Variants in NRXN3 observed in about 807,000 individuals in gnomAD.
NRXN3 encodes the protein neurexin 3, also known as neurexin III.
A neutral mutation model predicts 137.6 loss-of-function variants in NRXN3; 32 were observed. That is an observed-to-expected ratio of 0.23 (90% CI 0.18 to 0.31). The LOEUF is 0.31. NRXN3 is among the 10% of genes least tolerant of loss of function. NRXN3 has a pLI of 1.00. For synonymous variants in NRXN3, 798 were observed against 784.5 expected, an observed-to-expected ratio of 1.02 and a Z score of -0.29; for missense variants, 1,574 against 2,062.5, an observed-to-expected ratio of 0.76 and a Z score of 4.59.
chr14:78,960,609 A>G (rs1178911872), intron 11 of NRXN3, among the ~76,000 whole-genome samples: 1 of 152,226 alleles, frequency 6.6e-6, no homozygotes, highest in Non-Finnish European at 1.5e-5. Context: ...TGATTGATCT[A>G]TGTTTCTATT....
chr14:79,217,957 T>A (rs2068834553), intron 15 of NRXN3, among the ~76,000 whole-genome samples: 1 of 152,226 alleles, frequency 6.6e-6, no homozygotes, highest in South Asian at 2.1e-4. Flanking sequence ...TGCCTCTTCA[T>A]TCTTCAACAG....
chr14:78,741,859 A>G (rs529175078), intron 8 of NRXN3, among the ~76,000 whole-genome samples: 93 of 152,210 alleles, frequency 6.1e-4, no homozygotes, highest in African/African-American at 1.9e-3. Flanking sequence ...TGCGGTGCCT[A>G]CAGAAGTTAT....
chr14:79,782,382 G>A (rs2099116463), intron 19 of NRXN3, among the ~76,000 whole-genome samples: 1 of 152,154 alleles, frequency 6.6e-6, no homozygotes, highest in South Asian at 2.1e-4. Flanking sequence ...ACAACTAAGA[G>A]TCTGACCTTG....
intron 15 of NRXN3, among the ~76,000 whole-genome samples, chr14:79,004,870 C>CTT (rs1188274742): frequency 6.6e-6 from 1 of 152,122 alleles, no homozygotes; most frequent in Non-Finnish European, 1.5e-5. Context: ...TATGCTGTCG[C>CTT]CCCGTCCTCA....
intron 4 of NRXN3, among the ~76,000 whole-genome samples, chr14:78,402,040 A>C (rs184344488): frequency 6.6e-6 from 1 of 152,340 alleles, no homozygotes; most frequent in East Asian, 1.9e-4. Flanking sequence ...TGAATCACTG[A>C]ATGGATGATT....
intron 4 of NRXN3, among the ~76,000 whole-genome samples, chr14:78,405,040 A>G (rs1016399528): frequency 2.0e-5 from 3 of 152,228 alleles, no homozygotes; most frequent in African/African-American, 7.2e-5. Flanking sequence ...CAAAATATAT[A>G]GGCTTCATCC....
chr14:79,408,018 A>T (rs1201020714), intron 15 of NRXN3, among the ~76,000 whole-genome samples: 1 of 152,108 alleles, frequency 6.6e-6, no homozygotes, highest in African/African-American at 2.4e-5. Context: ...ATAATTCGGG[A>T]TTTGCAGCTA....
chr14:78,787,555 T>A (rs2098792771), intron 8 of NRXN3, among the ~76,000 whole-genome samples: 2 of 152,212 alleles, frequency 1.3e-5, no homozygotes, highest in South Asian at 4.1e-4. Context: ...TCCTTCTTGA[T>A]GGTTCAGAGC....
chr14:78,763,408 T>A (rs549131876), intron 8 of NRXN3, among the ~76,000 whole-genome samples: 3 of 152,256 alleles, frequency 2.0e-5, no homozygotes, highest in African/African-American at 7.2e-5. Context: ...TGTAAGCATT[T>A]GAGATAATAG....
intron 4 of NRXN3, among the ~76,000 whole-genome samples, chr14:78,566,178 A>G (rs769104402): frequency 2.4e-4 from 37 of 151,472 alleles, no homozygotes; most frequent in Non-Finnish European, 4.7e-4. Flanking sequence ...CAAAAAAAAG[A>G]CTCTCTAAAA....
chr14:79,571,688 T>C (rs575770739), intron 16 of NRXN3, among the ~76,000 whole-genome samples: 1 of 152,248 alleles, frequency 6.6e-6, no homozygotes, highest in African/African-American at 2.4e-5. Flanking sequence ...TGAAGCTAGT[T>C]TGGTAACAAA....
rs370519521 is a variant in NRXN3 at position 78,962,380 on chromosome 14, CTTG to C, written c.2396-3642_2396-3640del. On this transcript the variant is annotated intron_variant, in intron 11 of 20. Coordinates refer to ENST00000335750, the MANE Select transcript of NRXN3 (RefSeq NM_001330195.2). Reference sequence around the variant, plus strand: ...GAATTTTCAGTAGTCTTGGTTTTGGCTTGTTATCTTTCTCCCCAGTTACTTCTC... The same window carrying C: ...GAATTTTCAGTAGTCTTGGTTTTGGCTTATCTTTCTCCCCAGTTACTTCTC... Among the ~76,000 whole-genome samples, 482 of 152,202 alleles carry C rather than the reference CTTG, an allele frequency of 3.2e-3. 2 individuals carry two copies. Among genetic ancestry groups the C allele is most frequent in the African/African-American group, 0.011 (441 of 41,534 alleles).
At chr14:78,181,700 G>A (rs1433427236) in intron 1 of NRXN3, among the ~76,000 whole-genome samples, 4 of 152,154 alleles carry the variant, frequency 2.6e-5, no homozygotes, top group Non-Finnish European at 5.9e-5. Context: ...CCTGTCAGCA[G>A]CAACCATCCT....
intron 1 of NRXN3, among the ~76,000 whole-genome samples, chr14:78,183,434 T>C (rs1224738542): frequency 6.6e-6 from 1 of 152,032 alleles, no homozygotes; most frequent in Non-Finnish European, 1.5e-5. Context: ...GATGTGAGTG[T>C]AGGTAGGAAG....
At chr14:79,338,061 AC>A (rs2092377736) in intron 15 of NRXN3, among the ~76,000 whole-genome samples, 1 of 151,956 alleles carries the variant, frequency 6.6e-6, no homozygotes. Context: ...AAGTCCTTTT[AC>A]CCAGCTGTGA....
chr14:79,805,717 A>G (rs2099201990), intron 20 of NRXN3, among the ~76,000 whole-genome samples: 1 of 152,218 alleles, frequency 6.6e-6, no homozygotes, highest in South Asian at 2.1e-4. Context: ...TTTCAACAGC[A>G]GTTAACATGG....
chr14:78,465,202 A>C (rs2095061662), intron 4 of NRXN3, among the ~76,000 whole-genome samples: 1 of 152,140 alleles, frequency 6.6e-6, no homozygotes, highest in Non-Finnish European at 1.5e-5. Context: ...GTATTAAAAG[A>C]AAATTTAGAT....
chr14:79,649,506 A>G (rs1208606793), intron 16 of NRXN3, among the ~76,000 whole-genome samples: 1 of 152,168 alleles, frequency 6.6e-6, no homozygotes, highest in Non-Finnish European at 1.5e-5. Context: ...AGTATAAGGA[A>G]GGCCCTTTGG....
chr14:79,196,232 CTTAG>C (rs1488677978), intron 15 of NRXN3, among the ~76,000 whole-genome samples: 2 of 152,154 alleles, frequency 1.3e-5, no homozygotes, highest in Non-Finnish European at 2.9e-5. Flanking sequence ...GGCATCATGT[CTTAG>C]TTAGTTTTAT....
Sources: gnomAD v4.1 joint callset for allele counts (sites outside exome capture counted in the v4.1 genomes callset) on GRCh38, gnomAD v4.1.1 for gene constraint, MANE v1.5 for transcripts, NCBI Gene and HGNC (gene_info 2026-07-23, HGNC 2026-07-21) for gene names.